Variants in ADGRD1 observed in about 807,000 individuals in gnomAD.
The protein encoded by ADGRD1 is G-protein coupled receptor 133.
Under a neutral mutation model 113.4 loss-of-function variants are expected in ADGRD1, and 77 were observed. That is an observed-to-expected ratio of 0.68 (90% confidence interval 0.57 to 0.82). The LOEUF is 0.82. Ranked by LOEUF, ADGRD1 falls within the 40% of genes least tolerant of loss-of-function variation. The pLI, the probability that ADGRD1 is intolerant of heterozygous loss-of-function variation, is 0.00. For missense variants in ADGRD1, 1,036 were observed against 1,139.1 expected (o/e 0.91, Z 1.30); for synonymous variants, 474 against 475.0 (o/e 1.00, Z 0.03).
chr12:131,136,467 T>A (rs968916422), intron 22 of ADGRD1, among the ~76,000 whole-genome samples: 2 of 152,054 alleles, frequency 1.3e-5, no homozygotes, highest in Admixed American at 6.5e-5. Flanking sequence ...GGCAGAGAGG[T>A]GGCCAGGGCG....
intron 12 of ADGRD1, among the ~76,000 whole-genome samples, chr12:131,011,178 C>T (rs1296091888): frequency 1.5e-5 from 2 of 135,822 alleles, no homozygotes; most frequent in Non-Finnish European, 3.2e-5. Flanking sequence ...CCACCTCACC[C>T]CTGCCCCACC....
intron 20 of ADGRD1, among the ~76,000 whole-genome samples, chr12:131,128,649 C>T (rs1227633611): frequency 6.6e-6 from 1 of 152,178 alleles, no homozygotes; most frequent in Non-Finnish European, 1.5e-5. Flanking sequence ...ACCCTCCCTC[C>T]AAACAGGCAA....
chr12:131,120,675 C>G, intron 19 of ADGRD1, 172 bp from the exon 20 acceptor site: 2 of 695,846 alleles, frequency 2.9e-6, no homozygotes, highest in Non-Finnish European at 5.2e-6. Flanking sequence ...AAGAATGAGA[C>G]GTGGGATCAT....
chr12:130,986,645 T>C (rs980011627), intron 5 of ADGRD1, among the ~76,000 whole-genome samples: 3 of 152,200 alleles, frequency 2.0e-5, no homozygotes, highest in Non-Finnish European at 4.4e-5. Context: ...TCCTTTTTTT[T>C]CCTTTTTTGC....
intron 15 of ADGRD1, among the ~76,000 whole-genome samples, chr12:131,102,448 G>T (rs934654536): frequency 3.3e-5 from 5 of 152,230 alleles, no homozygotes; most frequent in Non-Finnish European, 7.3e-5. Flanking sequence ...GGCAGAAGAT[G>T]CCTGTGACCT....
rs1192905038 is a variant in ADGRD1, at chr12:131,108,859, T to C, written c.2023T>C (p.Tyr675His). 9 of 1,606,164 alleles carry C rather than the reference T, an allele frequency of 5.6e-6. No homozygotes were observed. The highest frequency in any genetic ancestry group is 1.4e-5 in the African/African-American group (1 of 73,862). The change falls in exon 18 of 25, where the codon TAC (tyrosine) becomes CAC (histidine). Residue 675 changes from tyrosine to histidine, a missense_variant. Physicochemically the swap from Tyr to His is moderately conservative, Grantham distance 83. Coordinates refer to ENST00000261654, the MANE Select transcript of ADGRD1 (RefSeq NM_198827.5). ...GTCGGAGGACAGCAAGCACCGTTAC[T>C]ACTATGGGATGGGATGGGGTAGGTG... ...FGSEDSKHRY[Y>H]YGMGWGFPLL...
At chr12:130,970,676 T>G (rs4759814) in intron 3 of ADGRD1, 120,986 of 152,138 alleles carry the variant, frequency 0.8, 51,799 homozygotes, top group East Asian at 0.95. Flanking sequence ...CGCTCCTGAT[T>G]TTTACAGTCT....
chr12:131,120,866 A>G lies in ADGRD1; in HGVS notation c.2128A>G (p.Ser710Gly). Reference protein sequence around the residue: ...TSNNCWLSLASGAIWAFVAPA... With the variant: ...TSNNCWLSLAGGAIWAFVAPA... The stretch of plus-strand genomic sequence containing the variant: ...CCGCAGTTGCTGGCTGTCGTTGGCG[A>G]GTGGCGCCATCTGGGCCTTTGTAGC... Residue 710 changes from serine to glycine, a missense_variant, in exon 20 of 25, where the codon AGT becomes GGT. Coordinates refer to ENST00000261654, the MANE Select transcript of ADGRD1 (RefSeq NM_198827.5). 1 of 1,614,188 alleles carries G rather than the reference A, an allele frequency of 6.2e-7. No individual in the cohort carries two copies. The highest frequency in any genetic ancestry group is 8.5e-7 in the Non-Finnish European group (1 of 1,180,040).
In ADGRD1 at chr12:131,108,802, C is replaced by T. The variant is rs778558561; in HGVS notation, c.1966C>T (p.His656Tyr). The T allele has an allele frequency of 8.5e-5, 137 of 1,613,766 alleles. No individual in the cohort carries two copies. Among genetic ancestry groups the T allele is most frequent in the Non-Finnish European group, 1.0e-4 (122 of 1,180,006 alleles). ...CGCATGGATGCTGGTGGAGGGGCTGCACCTCTACAGCATGGTGATCAAGGT... is the reference window on the plus strand; with the variant it reads ...CGCATGGATGCTGGTGGAGGGGCTGTACCTCTACAGCATGGTGATCAAGGT... Reference protein sequence around the residue: ...AFAWMLVEGLHLYSMVIKVFG... With the variant: ...AFAWMLVEGLYLYSMVIKVFG... The change falls in exon 18 of 25, where the codon CAC becomes TAC. Residue 656 changes from histidine to tyrosine, a missense_variant. Transcript: ENST00000261654.
intron 18 of ADGRD1, among the ~76,000 whole-genome samples, chr12:131,109,445 T>G (rs1950302298): frequency 6.6e-6 from 1 of 152,230 alleles, no homozygotes; most frequent in Non-Finnish European, 1.5e-5. Context: ...TTTTGTGTCT[T>G]CATTTTAAAT....
chr12:131,069,240 G>A (rs1882199), intron 13 of ADGRD1: 2 of 152,020 alleles, frequency 1.3e-5, no homozygotes, highest in East Asian at 1.9e-4. Flanking sequence ...GCTATTCTAG[G>A]AAAATTCCAT....
chr12:131,105,805 C>A lies in ADGRD1; in HGVS notation c.1827C>A (p.Ser609=). 1 of 1,601,210 alleles carries A rather than the reference C, an allele frequency of 6.2e-7. No homozygotes were observed. The highest frequency in any genetic ancestry group is 8.5e-7 in the Non-Finnish European group (1 of 1,179,956). ...GCTACCACATCCACGCCAACCTGTC[C>A]TTCGCCGTGCTGGTGGCCCAGGTCC... ...NQRYHIHANL[S]FAVLVAQVLL... The change falls in exon 17 of 25, where the codon TCC becomes TCA. Residue 609 remains serine, a synonymous_variant. Transcript: ENST00000261654.
intron 2 of ADGRD1, chr12:130,957,251 A>G (rs2136459806): frequency 6.6e-6 from 1 of 152,578 alleles, no homozygotes. Flanking sequence ...GTCACAGACT[A>G]CACACATCCA....
At chr12:130,997,612 C>T (rs898655630) in intron 8 of ADGRD1, among the ~76,000 whole-genome samples, 25 of 151,236 alleles carry the variant, frequency 1.7e-4, no homozygotes, top group Non-Finnish European at 3.4e-4. Flanking sequence ...GATGGGCGGC[C>T]GGGCAGAGAC....
At chr12:130,995,652 C>A (rs1875164991) in intron 8 of ADGRD1, among the ~76,000 whole-genome samples, 1 of 152,038 alleles carries the variant, frequency 6.6e-6, no homozygotes, top group South Asian at 2.1e-4. Context: ...GTGACTGATT[C>A]TGATTTTGCA....
At chr12:130,963,242 C>G (rs1370316707) in intron 2 of ADGRD1, among the ~76,000 whole-genome samples, 2 of 142,648 alleles carry the variant, frequency 1.4e-5, no homozygotes, top group African/African-American at 5.2e-5. Flanking sequence ...ATGGCGTGAA[C>G]CCGGGAGGCG....
intron 13 of ADGRD1, chr12:131,023,862 A>G (rs1033919167): frequency 6.6e-6 from 1 of 152,184 alleles, no homozygotes; most frequent in African/African-American, 2.4e-5. Flanking sequence ...TCTTCCCCTT[A>G]TGTTGACCCT....
chr12:131,065,148 C>A (rs1376937935), intron 13 of ADGRD1, among the ~76,000 whole-genome samples: 1 of 152,212 alleles, frequency 6.6e-6, no homozygotes, highest in Non-Finnish European at 1.5e-5. Flanking sequence ...CACACTGATG[C>A]CATAAACATC....
At chr12:130,992,769 T>C (rs1465260229) in intron 8 of ADGRD1, among the ~76,000 whole-genome samples, 1 of 152,268 alleles carries the variant, frequency 6.6e-6, no homozygotes, top group East Asian at 1.9e-4. Context: ...CCGTGGGGCG[T>C]GGGCCACAGC....
Sources: gnomAD v4.1 joint callset for allele counts (sites outside exome capture counted in the v4.1 genomes callset) on GRCh38, gnomAD v4.1.1 for gene constraint, MANE v1.5 for transcripts, NCBI Gene and HGNC (gene_info 2026-07-23, HGNC 2026-07-21) for gene names.